EYS: variants seen among roughly 807,000 people sequenced by gnomAD.
EYS encodes protein eyes shut homolog.
In EYS, 250 loss-of-function variants were observed where a neutral mutation model predicts 282.1. The ratio of observed to expected loss-of-function variants is 0.89; its 90% CI spans 0.80 to 0.98. EYS has a LOEUF of 0.98. EYS is among the 50% of genes least tolerant of loss of function. The pLI, the probability that EYS is intolerant of heterozygous loss-of-function variation, is 0.00. For synonymous variants in EYS, 1,355 were observed against 1,282.9 expected, an observed-to-expected ratio of 1.06 and a Z score of -1.20; for missense variants, 4,016 against 3,709.0, an observed-to-expected ratio of 1.08 and a Z score of -2.15.
At chr6:63,860,377 G>A (rs1305577211) in intron 36 of EYS, among the ~76,000 whole-genome samples, 1 of 152,206 alleles carries the variant, frequency 6.6e-6, no homozygotes, top group African/African-American at 2.4e-5. Flanking sequence ...CACCTAAGAT[G>A]CCTGCTAAAG....
chr6:64,348,500 C>T (rs576280647), intron 29 of EYS, among the ~76,000 whole-genome samples: 89 of 151,518 alleles, frequency 5.9e-4, no homozygotes, highest in Admixed American at 1.3e-3. Context: ...TTGCCAAACA[C>T]TGTGCCTGGC....
intron 31 of EYS, among the ~76,000 whole-genome samples, chr6:64,210,798 G>C (rs1765742379): frequency 6.6e-6 from 1 of 152,108 alleles, no homozygotes; most frequent in Middle Eastern, 3.2e-3. Context: ...TCAGTAGACT[G>C]GGTGGGGAAA....
chr6:63,999,260 G>A (rs1767971380), intron 33 of EYS, 77 bp from the exon 34 acceptor site: 2 of 895,554 alleles, frequency 2.2e-6, no homozygotes, highest in East Asian at 2.6e-5. Context: ...TGGATAGTAA[G>A]TACTTCTTCA....
At position 63,911,260 on chromosome 6, in the gene EYS, T is replaced by G. The variant is rs113069339; in HGVS notation, c.7056-46902A>C. The stretch of plus-strand genomic sequence containing the variant: ...TGAGGTCAACTTCCTGCTGGTTGGT[T>G]CTTAAGTGTCAGAAATAATATATTC... On this transcript the variant is annotated intron_variant, in intron 35 of 42. Transcript: ENST00000503581. 7.8e-3 allele frequency among the ~76,000 whole-genome samples: 1,181 copies of G among 152,344 alleles called. 18 individuals carry two copies. The highest frequency in any genetic ancestry group is 0.028 in the East Asian group (145 of 5,190).
intron 26 of EYS, among the ~76,000 whole-genome samples, chr6:64,468,050 C>A (rs1228965964): frequency 6.6e-6 from 1 of 152,146 alleles, no homozygotes; most frequent in Non-Finnish European, 1.5e-5. Context: ...AGCACCCAAG[C>A]AAGCTGTCTG....
At chr6:65,296,996 AC>A (rs1768685271) in intron 11 of EYS, among the ~76,000 whole-genome samples, 1 of 151,698 alleles carries the variant, frequency 6.6e-6, no homozygotes, top group Admixed American at 6.6e-5. Flanking sequence ...GTGCACAGAA[AC>A]ACACACACAT....
intron 12 of EYS, among the ~76,000 whole-genome samples, chr6:65,222,025 C>T (rs1201072958): frequency 6.6e-6 from 1 of 152,112 alleles, no homozygotes; most frequent in Non-Finnish European, 1.5e-5. Flanking sequence ...TTACCTAATG[C>T]CTGTACCCCC....
At chr6:65,556,704 T>A (rs1267728487) in intron 2 of EYS, among the ~76,000 whole-genome samples, 1 of 152,158 alleles carries the variant, frequency 6.6e-6, no homozygotes, top group African/African-American at 2.4e-5. Flanking sequence ...AATTTTAATA[T>A]CCTCAAAATT....
At chr6:64,011,144 G>A (rs1013107703) in intron 33 of EYS, among the ~76,000 whole-genome samples, 4 of 151,994 alleles carry the variant, frequency 2.6e-5, no homozygotes, top group South Asian at 4.1e-4. Flanking sequence ...CTTCTTTGCT[G>A]CTTTGCATAT....
chr6:64,463,104 GC>G (rs1357982891), intron 26 of EYS, among the ~76,000 whole-genome samples: 1 of 151,790 alleles, frequency 6.6e-6, no homozygotes, highest in East Asian at 2.0e-4. Context: ...CCGCCACCAC[GC>G]CCGGCTATTT....
chr6:63,915,457 C>G (rs529071753), intron 35 of EYS, among the ~76,000 whole-genome samples: 28 of 152,180 alleles, frequency 1.8e-4, no homozygotes, highest in Non-Finnish European at 3.5e-4. Flanking sequence ...CACAAGGAGA[C>G]TAGTGTTTTC....
intron 37 of EYS, chr6:63,797,732 A>G (rs1204839260): frequency 6.6e-6 from 1 of 152,214 alleles, no homozygotes; most frequent in Non-Finnish European, 1.5e-5. Flanking sequence ...TCATGGGATT[A>G]AAACCATTAA....
chr6:65,036,275 A>T (rs1278097484), intron 13 of EYS, among the ~76,000 whole-genome samples: 1 of 151,986 alleles, frequency 6.6e-6, no homozygotes, highest in Non-Finnish European at 1.5e-5. Flanking sequence ...CTAGCTAGCT[A>T]TACGCAGAAG....
chr6:65,455,720 A>G (rs1764579363), intron 5 of EYS, among the ~76,000 whole-genome samples: 1 of 152,124 alleles, frequency 6.6e-6, no homozygotes, highest in Admixed American at 6.6e-5. Context: ...CAAAATCTGA[A>G]CAGAACAAAA....
chr6:65,434,571 T>C (rs965920711), intron 5 of EYS, among the ~76,000 whole-genome samples: 8 of 152,216 alleles, frequency 5.3e-5, no homozygotes, highest in East Asian at 1.9e-4. Context: ...CGGCCCGCCT[T>C]GGCCTCCAAA....
At chr6:64,159,874 CT>C (rs1317253483) in intron 31 of EYS, among the ~76,000 whole-genome samples, 6 of 152,144 alleles carry the variant, frequency 3.9e-5, no homozygotes, top group African/African-American at 1.4e-4. Context: ...AAAAGCCAGC[CT>C]TAATGCTATG....
At chr6:64,948,522 T>G (rs910593757) in intron 14 of EYS, among the ~76,000 whole-genome samples, 3 of 146,588 alleles carry the variant, frequency 2.0e-5, no homozygotes, top group African/African-American at 7.4e-5. Flanking sequence ...ATAGAAATTA[T>G]ATTCCACTAG....
chr6:64,100,596 G>A (rs79234240), intron 31 of EYS, among the ~76,000 whole-genome samples: 6,379 of 151,902 alleles, frequency 0.042, 399 homozygotes, highest in African/African-American at 0.14. Flanking sequence ...TATTGGTGAG[G>A]ATCAATAGTA....
intron 33 of EYS, among the ~76,000 whole-genome samples, chr6:64,005,798 G>A (rs190645068): frequency 3.3e-5 from 5 of 151,764 alleles, no homozygotes; most frequent in African/African-American, 4.8e-5. Context: ...ATTACTTCTG[G>A]GCTCTCTATT....
Sources: gnomAD v4.1 joint callset for allele counts (sites outside exome capture counted in the v4.1 genomes callset) on GRCh38, gnomAD v4.1.1 for gene constraint, MANE v1.5 for transcripts, NCBI Gene and HGNC (gene_info 2026-07-23, HGNC 2026-07-21) for gene names.